The following SYT14 variants were observed in gnomAD, a reference collection of about 807,000 sequenced individuals.
The protein encoded by SYT14 is synaptotagmin 14.
SYT14 carries 32 observed loss-of-function variants against 74.2 expected under a neutral mutation model. The ratio of observed to expected loss-of-function variants is 0.43; its 90% CI spans 0.33 to 0.58. The LOEUF (loss-of-function observed/expected upper bound fraction) is 0.58. Ranked by LOEUF, SYT14 falls within the 20% of genes least tolerant of loss-of-function variation. SYT14 has a pLI of 0.05. For missense variants in SYT14, 791 were observed against 981.8 expected (o/e 0.81, Z 2.60); for synonymous variants, 298 against 337.7 (o/e 0.88, Z 1.29).
intron 2 of SYT14, among the ~76,000 whole-genome samples, chr1:210,012,549 G>A (rs900118932): frequency 2.6e-5 from 4 of 152,134 alleles, no homozygotes; most frequent in African/African-American, 9.7e-5. Flanking sequence ...ATTGAAAAGA[G>A]AGGTTGGAGC....
At chr1:210,137,006 G>C (rs1322010490) in intron 7 of SYT14, among the ~76,000 whole-genome samples, 1 of 152,118 alleles carries the variant, frequency 6.6e-6, no homozygotes, top group Non-Finnish European at 1.5e-5. Flanking sequence ...GGGAGAAGAT[G>C]GTACAGTCAG....
chr1:209,999,095 AG>A (rs2079847937), intron 2 of SYT14, among the ~76,000 whole-genome samples: 1 of 152,252 alleles, frequency 6.6e-6, no homozygotes, highest in Admixed American at 6.5e-5. Context: ...GTGGCAGAAA[AG>A]TAAATAATCC....
At chr1:210,159,346 C>T in intron 8 of SYT14, 75 bp from the exon 8 acceptor site, 1 of 1,386,758 alleles carries the variant, frequency 7.2e-7, no homozygotes, top group Admixed American at 2.0e-5. Flanking sequence ...TTAATTCTAA[C>T]CTTTGACCCT....
chr1:210,066,311 C>T (rs1376829688), intron 5 of SYT14, among the ~76,000 whole-genome samples: 9 of 151,952 alleles, frequency 5.9e-5, no homozygotes, highest in Admixed American at 3.3e-4. Flanking sequence ...CACTGACTTC[C>T]ACAATGGTTG....
intron 2 of SYT14, among the ~76,000 whole-genome samples, chr1:209,977,140 T>A (rs1302358896): frequency 6.6e-6 from 1 of 152,232 alleles, no homozygotes; most frequent in Non-Finnish European, 1.5e-5. Context: ...AGCACACTGA[T>A]TGGTCTTGAC....
intron 5 of SYT14, among the ~76,000 whole-genome samples, chr1:210,026,505 C>G (rs1478634023): frequency 6.6e-6 from 1 of 151,538 alleles, no homozygotes; most frequent in Non-Finnish European, 1.5e-5. Flanking sequence ...TTATGGAAAG[C>G]TGTATTATTA....
chr1:210,057,032 A>G (rs2081112924), intron 5 of SYT14, among the ~76,000 whole-genome samples: 2 of 151,696 alleles, frequency 1.3e-5, no homozygotes, highest in South Asian at 2.1e-4. Context: ...TTTAGTAGAG[A>G]TGGGGTTTTG....
At chr1:210,017,329 T>C (rs2080206291) in intron 4 of SYT14, among the ~76,000 whole-genome samples, 1 of 152,168 alleles carries the variant, frequency 6.6e-6, no homozygotes, top group Non-Finnish European at 1.5e-5. Flanking sequence ...GGTCCCTGCA[T>C]TATTTGGCCA....
intron 2 of SYT14, among the ~76,000 whole-genome samples, chr1:210,009,687 A>G (rs1318216599): frequency 5.3e-5 from 8 of 152,174 alleles, no homozygotes; most frequent in Non-Finnish European, 2.9e-5. Context: ...AATTTTGTTA[A>G]CTAACCTGAC....
exon 10 of SYT14, chr1:210,165,950 A>T (rs1395136950): frequency 6.6e-6 from 1 of 152,260 alleles, no homozygotes; most frequent in African/African-American, 2.4e-5. Context: ...AGTGCTACAG[A>T]TGCAGAGATA....
intron 5 of SYT14, among the ~76,000 whole-genome samples, chr1:210,047,868 T>C (rs2102366490): frequency 6.6e-6 from 1 of 152,300 alleles, no homozygotes; most frequent in South Asian, 2.1e-4. Flanking sequence ...GTCCACTTTT[T>C]TCAGGTTGAT....
chr1:210,009,776 A>C (rs1043823333), intron 2 of SYT14, among the ~76,000 whole-genome samples: 1 of 152,096 alleles, frequency 6.6e-6, no homozygotes, highest in Non-Finnish European at 1.5e-5. Context: ...TCAAAAACTA[A>C]ATTAATTATC....
chr1:210,026,537 G>A (rs1448420006), intron 5 of SYT14, among the ~76,000 whole-genome samples: 1 of 151,262 alleles, frequency 6.6e-6, no homozygotes, highest in African/African-American at 2.4e-5. Flanking sequence ...TTTATTTTGG[G>A]AGCAAGTTAA....
intron 5 of SYT14, among the ~76,000 whole-genome samples, chr1:210,062,445 AG>A (rs2081223011): frequency 2.0e-5 from 3 of 151,944 alleles, no homozygotes; most frequent in Admixed American, 2.0e-4. Context: ...AGAAAACAAA[AG>A]CACAATAATG....
At chr1:210,001,725 T>A (rs924703236) in intron 2 of SYT14, among the ~76,000 whole-genome samples, 16 of 152,128 alleles carry the variant, frequency 1.1e-4, no homozygotes, top group African/African-American at 3.9e-4. Flanking sequence ...GTTGCTCTTA[T>A]TAAGAAAGTA....
intron 1 of SYT14, 119 bp from the exon 2 acceptor site, chr1:209,952,590 A>G (rs1035444860): frequency 6.5e-6 from 5 of 769,376 alleles, no homozygotes; most frequent in Non-Finnish European, 1.1e-5. Context: ...TATAAAGAGA[A>G]GAGTTAGGGA....
At chr1:209,969,794 A>AT (rs1190316838) in intron 2 of SYT14, among the ~76,000 whole-genome samples, 2 of 151,478 alleles carry the variant, frequency 1.3e-5, no homozygotes, top group Admixed American at 6.6e-5. Flanking sequence ...TGTGGTTCTG[A>AT]TTTTCATTTC....
chr1:209,962,740 G>T (rs1320691645), intron 2 of SYT14, among the ~76,000 whole-genome samples: 1 of 152,102 alleles, frequency 6.6e-6, no homozygotes, highest in Non-Finnish European at 1.5e-5. Flanking sequence ...TAAAGGGAAA[G>T]ATTATATTAT....
intron 2 of SYT14, among the ~76,000 whole-genome samples, chr1:210,007,369 T>C (rs2080008925): frequency 6.6e-6 from 1 of 152,020 alleles, no homozygotes; most frequent in South Asian, 2.1e-4. Context: ...ATATTCTTTA[T>C]TGAGCACTAC....
Sources: gnomAD v4.1 joint callset for allele counts (sites outside exome capture counted in the v4.1 genomes callset) on GRCh38, gnomAD v4.1.1 for gene constraint, MANE v1.5 for transcripts, NCBI Gene and HGNC (gene_info 2026-07-23, HGNC 2026-07-21) for gene names.